ARHGAP42: variants seen among roughly 807,000 people sequenced by gnomAD.
The protein encoded by ARHGAP42 is Rho GTPase activating protein 42.
Under a neutral mutation model 125.0 loss-of-function variants are expected in ARHGAP42, and 63 were observed. The observed-to-expected ratio is 0.50, with a 90% CI of 0.41 to 0.62. ARHGAP42 has a LOEUF of 0.62. Ranked by LOEUF, ARHGAP42 falls within the 20% of genes least tolerant of loss-of-function variation. The pLI is 0.00. For synonymous variants in ARHGAP42, 339 were observed against 351.0 expected, an observed-to-expected ratio of 0.97 and a Z score of 0.38; for missense variants, 766 against 1,024.2, an observed-to-expected ratio of 0.75 and a Z score of 3.44.
At position 100,992,222 on chromosome 11, in the gene ARHGAP42, C is replaced by A; in HGVS notation, c.*3421C>A. 1 of 1,441,708 alleles carries A rather than the reference C, an allele frequency of 6.9e-7. No homozygotes were observed. 89.3% of individuals were successfully genotyped at this position (1,441,708 alleles called of 1,614,324 possible). The stretch of plus-strand genomic sequence containing the variant: ...ATTTAGAACCCCAACTAGACTTATA[C>A]TTTGACTAAAGTCAGAGGCAGACCA... On this transcript the variant is annotated 3_prime_UTR_variant, in exon 24 of 24. Coordinates refer to ENST00000298815, the MANE Select transcript of ARHGAP42 (RefSeq NM_152432.4).
At chr11:100,890,167 G>A (rs573401803) in intron 4 of ARHGAP42, among the ~76,000 whole-genome samples, 7 of 152,200 alleles carry the variant, frequency 4.6e-5, no homozygotes, top group African/African-American at 1.7e-4. Context: ...TTTTCCTTAG[G>A]CAGCCACATC....
chr11:100,891,002 G>A (rs761203507), intron 4 of ARHGAP42, among the ~76,000 whole-genome samples: 1 of 152,192 alleles, frequency 6.6e-6, no homozygotes, highest in African/African-American at 2.4e-5. Flanking sequence ...TCAGCATCTT[G>A]AGGCAGATGA....
chr11:100,918,895 G>C lies in ARHGAP42; in HGVS notation c.487-2599G>C, dbSNP rs1465077543. Among the ~76,000 whole-genome samples the C allele has an allele frequency of 2.0e-5, 3 of 152,138 alleles. No homozygotes were observed. The East Asian group carries it at 5.8e-4, about 29-fold the overall frequency. On this transcript the variant is annotated intron_variant, in intron 5 of 23. Transcript: ENST00000298815. ...GGGCAAGTGGGATGAGACTGTGCAT[G>C]GCAAATACATTTCTGAAGAAATGAC...
chr11:100,879,199 C>T (rs968335099), intron 4 of ARHGAP42, among the ~76,000 whole-genome samples: 1 of 152,090 alleles, frequency 6.6e-6, no homozygotes, highest in Non-Finnish European at 1.5e-5. Context: ...CTAGTTGATT[C>T]AAATGCATAA....
intron 6 of ARHGAP42, among the ~76,000 whole-genome samples, chr11:100,927,008 C>A (rs1364970410): frequency 6.6e-6 from 1 of 152,128 alleles, no homozygotes; most frequent in Non-Finnish European, 1.5e-5. Context: ...GAAAATAAAT[C>A]ATCATATATA....
intron 5 of ARHGAP42, among the ~76,000 whole-genome samples, chr11:100,919,550 G>A (rs1185985675): frequency 1.3e-5 from 2 of 151,880 alleles, no homozygotes; most frequent in Admixed American, 1.3e-4. Context: ...AACACAATCA[G>A]TGATGTTATG....
chr11:100,911,942 C>G (rs1866932816), intron 4 of ARHGAP42, among the ~76,000 whole-genome samples: 1 of 152,094 alleles, frequency 6.6e-6, no homozygotes, highest in Non-Finnish European at 1.5e-5. Context: ...TTTTAATGTA[C>G]AAGCATCTCA....
rs1858907442 is a variant in ARHGAP42 at position 100,993,924 on chromosome 11, T to C, written c.*5123T>C. ...GTTTTAAATTACTTTAAAAATAAAC[T>C]TTGTAAGCAGATTTTAATTTAGTCT... On this transcript the variant is annotated 3_prime_UTR_variant, in exon 24 of 24. Coordinates refer to ENST00000298815, the MANE Select transcript of ARHGAP42 (RefSeq NM_152432.4). 6.0e-6 allele frequency: 1 copy of C among 167,084 alleles called. No individual in the cohort carries two copies. Among genetic ancestry groups the C allele is most frequent in the Non-Finnish European group, 1.5e-5 (1 of 68,120 alleles). 10.4% of individuals were successfully genotyped at this position (167,084 alleles called of 1,614,324 possible).
Position 100,687,809 on chromosome 11 carries a change from C to G in ARHGAP42, c.131C>G (p.Ser44Cys), listed in dbSNP as rs1194645365. 2 of 1,550,660 alleles carry G rather than the reference C, an allele frequency of 1.3e-6. No individual in the cohort carries two copies. The highest frequency in any genetic ancestry group is 1.4e-5 in the African/African-American group (1 of 73,146). Reference protein sequence around the residue: ...KFIKELIKDGSLLIGALRNLS... With the variant: ...KFIKELIKDGCLLIGALRNLS... ...ATCAAGGAGCTCATTAAGGACGGCT[C>G]TCTGCTCATTGGGGCGTTGAGGAGT... Residue 44 changes from serine to cysteine, a missense_variant, in exon 1 of 24, where the codon TCT becomes TGT. Ser to Cys is a moderately radical substitution (Grantham distance 112). Coordinates refer to ENST00000298815, the MANE Select transcript of ARHGAP42 (RefSeq NM_152432.4).
intron 3 of ARHGAP42, among the ~76,000 whole-genome samples, chr11:100,807,884 A>G (rs1000978584): frequency 3.3e-5 from 5 of 152,128 alleles, no homozygotes; most frequent in African/African-American, 7.2e-5. Flanking sequence ...ATCACTTTCC[A>G]TTGGTACAGT....
intron 4 of ARHGAP42, among the ~76,000 whole-genome samples, chr11:100,881,755 A>T (rs1865967485): frequency 6.6e-6 from 1 of 152,162 alleles, no homozygotes; most frequent in Admixed American, 6.6e-5. Context: ...GATTTCTTTC[A>T]GCAGTGTTGT....
chr11:100,982,270 T>G (rs1037561012), intron 22 of ARHGAP42, among the ~76,000 whole-genome samples: 3 of 152,304 alleles, frequency 2.0e-5, no homozygotes, highest in African/African-American at 7.2e-5. Context: ...ATTGGAGATC[T>G]GTAAGAAAGC....
At chr11:100,696,712 C>G (rs1319275852) in intron 1 of ARHGAP42, among the ~76,000 whole-genome samples, 1 of 152,042 alleles carries the variant, frequency 6.6e-6, no homozygotes, top group Non-Finnish European at 1.5e-5. Context: ...GTTTCCCAGG[C>G]TGGAGTGCAG....
chr11:100,784,077 A>G (rs1190533590), intron 2 of ARHGAP42, among the ~76,000 whole-genome samples: 2 of 152,196 alleles, frequency 1.3e-5, no homozygotes, highest in East Asian at 3.9e-4. Flanking sequence ...GAAGATGCCT[A>G]AATAGAGGAG....
At chr11:100,805,177 C>G (rs921781741) in intron 3 of ARHGAP42, among the ~76,000 whole-genome samples, 5 of 152,144 alleles carry the variant, frequency 3.3e-5, no homozygotes, top group African/African-American at 1.2e-4. Context: ...GAAGAGGAAA[C>G]TCAAAGGCAC....
At chr11:100,729,583 A>G (rs926138836) in intron 1 of ARHGAP42, among the ~76,000 whole-genome samples, 5 of 152,172 alleles carry the variant, frequency 3.3e-5, no homozygotes, top group East Asian at 1.9e-4. Context: ...TAGTTTATTA[A>G]TCACTGATAG....
At position 100,799,219 on chromosome 11, in the gene ARHGAP42, G is replaced by A. The variant is rs188486311; in HGVS notation, c.312+4053G>A. On this transcript the variant is annotated intron_variant, in intron 3 of 23. Coordinates refer to ENST00000298815, the MANE Select transcript of ARHGAP42 (RefSeq NM_152432.4). ...TAGCCATGTGAGAAAGAGATGAGGTGGGGAAGAAATGTTCTGGCTGGTGGT... is the reference window on the plus strand; with the variant it reads ...TAGCCATGTGAGAAAGAGATGAGGTAGGGAAGAAATGTTCTGGCTGGTGGT... Among the ~76,000 whole-genome samples the A allele has an allele frequency of 9.4e-4, 143 of 152,274 alleles. 1 individual carries two copies. Among genetic ancestry groups the A allele is most frequent in the African/African-American group, 3.3e-3 (138 of 41,548 alleles).
intron 2 of ARHGAP42, among the ~76,000 whole-genome samples, chr11:100,777,842 C>G (rs182688216): frequency 6.6e-6 from 1 of 152,198 alleles, no homozygotes; most frequent in Admixed American, 6.5e-5. Flanking sequence ...TACAAATATG[C>G]ATTTTTACAG....
intron 17 of ARHGAP42, among the ~76,000 whole-genome samples, chr11:100,970,336 T>G (rs552480011): frequency 6.6e-6 from 1 of 152,118 alleles, no homozygotes; most frequent in Non-Finnish European, 1.5e-5. Flanking sequence ...TATTTCCCCC[T>G]CTGTGTGAAG....
Sources: allele counts gnomAD v4.1 joint callset (sites outside exome capture counted in the v4.1 genomes callset), GRCh38; gene constraint gnomAD v4.1.1; transcripts MANE v1.5; gene names NCBI Gene and HGNC (gene_info 2026-07-23, HGNC 2026-07-21).